Variants in ARHGAP24 observed in about 807,000 individuals in gnomAD.
ARHGAP24 encodes the protein rho GTPase-activating protein 24.
ARHGAP24 carries 50 observed loss-of-function variants against 76.4 expected under a neutral mutation model. That is an observed-to-expected ratio of 0.65 (90% confidence interval 0.52 to 0.83). The LOEUF (loss-of-function observed/expected upper bound fraction) is 0.83. Among genes scored for constraint, ARHGAP24 ranks in the 40% least tolerant of loss-of-function variants. The probability of loss-of-function intolerance (pLI) is 0.00; values close to 1 mark genes in which losing one functional copy is unlikely to be tolerated. For missense variants in ARHGAP24, 930 were observed against 914.2 expected, an observed-to-expected ratio of 1.02 and a Z score of -0.22; for synonymous variants, 345 against 323.3, an observed-to-expected ratio of 1.07 and a Z score of -0.72.
At chr4:85,793,656 T>C (rs1022023575) in intron 3 of ARHGAP24, among the ~76,000 whole-genome samples, 1 of 152,182 alleles carries the variant, frequency 6.6e-6, no homozygotes, top group Non-Finnish European at 1.5e-5. Flanking sequence ...AGATAAAATA[T>C]GTGAGGGAAT....
intron 2 of ARHGAP24, among the ~76,000 whole-genome samples, chr4:85,596,122 C>T (rs1272783245): frequency 6.6e-6 from 1 of 151,608 alleles, no homozygotes; most frequent in East Asian, 1.9e-4. Context: ...CCCAGCAAAG[C>T]TTTTTGGTAT....
chr4:85,944,869 T>C (rs1737160731), intron 5 of ARHGAP24, among the ~76,000 whole-genome samples: 1 of 152,134 alleles, frequency 6.6e-6, no homozygotes, highest in African/African-American at 2.4e-5. Flanking sequence ...TTTTTTGAGA[T>C]GGAGTTTCAT....
chr4:85,483,840 A>G (rs1279942556), intron 1 of ARHGAP24, among the ~76,000 whole-genome samples: 2 of 152,142 alleles, frequency 1.3e-5, no homozygotes, highest in Admixed American at 1.3e-4. Flanking sequence ...TCCACCTGAG[A>G]AATGCAAATT....
intron 1 of ARHGAP24, among the ~76,000 whole-genome samples, chr4:85,536,242 T>C (rs1725467563): frequency 6.6e-6 from 1 of 152,160 alleles, no homozygotes; most frequent in Non-Finnish European, 1.5e-5. Context: ...ACTATATTTG[T>C]GGCAAGTGCC....
chr4:85,992,969 A>G (rs1720339759), intron 8 of ARHGAP24, among the ~76,000 whole-genome samples: 1 of 152,190 alleles, frequency 6.6e-6, no homozygotes, highest in South Asian at 2.1e-4. Flanking sequence ...TTGGAATAAG[A>G]CTAAATATTG....
At chr4:85,698,720 C>T (rs561212291) in intron 2 of ARHGAP24, among the ~76,000 whole-genome samples, 14 of 152,296 alleles carry the variant, frequency 9.2e-5, no homozygotes, top group South Asian at 8.3e-4. Context: ...CCACATAGCA[C>T]GTTCATAGTT....
At chr4:85,559,864 C>T (rs74826813) in intron 1 of ARHGAP24, among the ~76,000 whole-genome samples, 3,573 of 152,092 alleles carry the variant, frequency 0.023, 159 homozygotes, top group African/African-American at 0.082. Flanking sequence ...CATCTTTTCC[C>T]GTTTCAGATG....
chr4:85,773,718 C>G (rs552070605), intron 3 of ARHGAP24, among the ~76,000 whole-genome samples: 1 of 152,006 alleles, frequency 6.6e-6, no homozygotes, highest in African/African-American at 2.4e-5. Context: ...AATATAGGCA[C>G]GTCAATAAAT....
At chr4:85,526,963 C>T (rs1312968799) in intron 1 of ARHGAP24, among the ~76,000 whole-genome samples, 1 of 152,148 alleles carries the variant, frequency 6.6e-6, no homozygotes, top group East Asian at 1.9e-4. Flanking sequence ...CTTATAAGCT[C>T]AAGCAAAACC....
chr4:85,616,638 A>G (rs1260443880), intron 2 of ARHGAP24, among the ~76,000 whole-genome samples: 2 of 151,964 alleles, frequency 1.3e-5, no homozygotes, highest in South Asian at 2.1e-4. Flanking sequence ...GCTTCATTTT[A>G]TTTTATTAAG....
rs1464727629 is a variant in ARHGAP24, at chr4:85,831,868, G to A, written c.269-91780G>A. 2.0e-5 allele frequency among the ~76,000 whole-genome samples: 3 copies of A among 147,812 alleles called. No individual in the cohort carries two copies. In the East Asian group the frequency reaches 6.0e-4, roughly 29 times the overall value. ...AGTGAGCTGACATCACACCACTGAA[G>A]TTCAGCTTGGGCAACAGAGTGAGAC... On this transcript the variant is annotated intron_variant, in intron 3 of 9. Transcript: ENST00000395184.
At chr4:85,651,841 C>G (rs1424282576) in intron 2 of ARHGAP24, among the ~76,000 whole-genome samples, 1 of 151,866 alleles carries the variant, frequency 6.6e-6, no homozygotes, top group Non-Finnish European at 1.5e-5. Context: ...GAAAAAGTAT[C>G]ATTTTCTAAA....
At chr4:85,757,716 C>T (rs1726566800) in intron 3 of ARHGAP24, among the ~76,000 whole-genome samples, 3 of 152,110 alleles carry the variant, frequency 2.0e-5, no homozygotes, top group Admixed American at 2.0e-4. Context: ...ATTTATAGTC[C>T]TTTGGGTATA....
At chr4:85,588,543 C>G (rs1229024783) in intron 2 of ARHGAP24, among the ~76,000 whole-genome samples, 1 of 152,156 alleles carries the variant, frequency 6.6e-6, no homozygotes, top group Admixed American at 6.5e-5. Context: ...CAGGGACCCT[C>G]TCATATAGCA....
chr4:85,520,500 C>T (rs1724696510), intron 1 of ARHGAP24, among the ~76,000 whole-genome samples: 1 of 152,062 alleles, frequency 6.6e-6, no homozygotes, highest in African/African-American at 2.4e-5. Context: ...TAATGTAGTG[C>T]CAATAACTCA....
At chr4:85,686,862 T>C (rs901701752) in intron 2 of ARHGAP24, among the ~76,000 whole-genome samples, 2 of 149,108 alleles carry the variant, frequency 1.3e-5, no homozygotes, top group Admixed American at 6.7e-5. Context: ...TCTCTGCTTG[T>C]AAATTTGGCC....
chr4:85,679,853 T>C (rs1723135252), intron 2 of ARHGAP24, among the ~76,000 whole-genome samples: 1 of 152,120 alleles, frequency 6.6e-6, no homozygotes, highest in African/African-American at 2.4e-5. Flanking sequence ...CTTCACCCAT[T>C]ACAGTTCAAA....
intron 2 of ARHGAP24, among the ~76,000 whole-genome samples, chr4:85,624,558 G>T (rs1000488607): frequency 1.3e-5 from 2 of 152,094 alleles, no homozygotes; most frequent in Non-Finnish European, 2.9e-5. Context: ...TTTTTTGGTT[G>T]TGTCTCTGCC....
At chr4:85,587,917 G>T (rs538049231) in intron 2 of ARHGAP24, among the ~76,000 whole-genome samples, 2 of 152,166 alleles carry the variant, frequency 1.3e-5, no homozygotes, top group South Asian at 4.1e-4. Context: ...GGAAAATAGA[G>T]AACTAGACAG....
Sources: allele counts gnomAD v4.1 joint callset (sites outside exome capture counted in the v4.1 genomes callset), GRCh38; gene constraint gnomAD v4.1.1; transcripts MANE v1.5; gene names NCBI Gene and HGNC (gene_info 2026-07-23, HGNC 2026-07-21).